Variants in RPL5 observed in about 807,000 individuals in gnomAD.
The protein encoded by RPL5 is large ribosomal subunit protein uL18.
Under a neutral mutation model 38.4 loss-of-function variants are expected in RPL5, and 1 was observed. The observed-to-expected ratio is 0.03, with a 90% CI of 0.01 to 0.12. The LOEUF is 0.12. RPL5 is among the 10% of genes least tolerant of loss of function. The pLI, the probability that RPL5 is intolerant of heterozygous loss-of-function variation, is 1.00. For synonymous variants in RPL5, 109 were observed against 121.2 expected (o/e 0.90, Z 0.66); for missense variants, 243 against 374.1 (o/e 0.65, Z 2.89).
At chr1:92,833,710 G>T (rs778112670) in intron 3 of RPL5, 50 bp downstream of exon 3, 2 of 1,446,148 alleles carry the variant, frequency 1.4e-6, no homozygotes, top group Admixed American at 1.7e-5. Context: ...GAGAAATTGT[G>T]CTTGGGAAGC....
intron 1 of RPL5, chr1:92,833,132 G>A (rs1686976457): frequency 3.0e-6 from 2 of 672,786 alleles, no homozygotes; most frequent in East Asian, 2.7e-5. Flanking sequence ...ATTGGGGCCT[G>A]CATTTTGTAT....
At chr1:92,837,306 CACTA>C (rs1387234787) in intron 5 of RPL5, 146 bp from the exon 6 acceptor site, 1 of 787,132 alleles carries the variant, frequency 1.3e-6, no homozygotes, top group Non-Finnish European at 2.3e-6. Flanking sequence ...GATGATATCC[CACTA>C]ACTGAGCAGT....
chr1:92,834,978 AT>A (rs1687060256), intron 4 of RPL5, 65 bp downstream of exon 4: 4 of 1,590,950 alleles, frequency 2.5e-6, no homozygotes, highest in Admixed American at 1.7e-5. Flanking sequence ...TTTCTGCAAG[AT>A]GTTTGTACAT....
chr1:92,840,375 T>C, intron 6 of RPL5, 176 bp from the exon 7 acceptor site: 2 of 593,340 alleles, frequency 3.4e-6, no homozygotes, highest in East Asian at 5.8e-5. Context: ...AGGTGAAAAT[T>C]GGGAATTTGT....
intron 3 of RPL5, 93 bp from the exon 4 acceptor site, chr1:92,834,686 C>T: frequency 6.6e-7 from 1 of 1,514,454 alleles, no homozygotes; most frequent in Non-Finnish European, 9.1e-7. Context: ...CATCTGTGTC[C>T]ATCAATGTTT....
chr1:92,832,040 C>G lies in RPL5; in HGVS notation c.-75C>G. ...ACTGCGCCTGCGCAAGGGCTGTGGCCCTTTTCCCACCCCCTAGCGCCGCTG... is the reference window on the plus strand; with the variant it reads ...ACTGCGCCTGCGCAAGGGCTGTGGCGCTTTTCCCACCCCCTAGCGCCGCTG... On this transcript the variant is annotated 5_prime_UTR_variant, in exon 1 of 8. Transcript: ENST00000370321. 3 of 1,605,292 alleles carry G rather than the reference C, an allele frequency of 1.9e-6. No individual in the cohort carries two copies. Among genetic ancestry groups the G allele is most frequent in the Non-Finnish European group, 2.6e-6 (3 of 1,176,144 alleles).
intron 6 of RPL5, among the ~76,000 whole-genome samples, chr1:92,838,535 T>C (rs1687213682): frequency 6.6e-6 from 1 of 152,236 alleles, no homozygotes; most frequent in Non-Finnish European, 1.5e-5. Context: ...TATATGTGCC[T>C]TCCTTCAGCT....
At chr1:92,833,321 GTTAAT>G (rs1686986754) in intron 1 of RPL5, 63 bp from the exon 2 acceptor site, 1 of 1,271,744 alleles carries the variant, frequency 7.9e-7, no homozygotes, top group African/African-American at 1.5e-5. Context: ...TTGTTACATG[GTTAAT>G]TTATGTCAAA....
At chr1:92,832,772 T>C in intron 1 of RPL5, 1 of 501,406 alleles carries the variant, frequency 2.0e-6, no homozygotes, top group Non-Finnish European at 3.5e-6. Context: ...TGGGATGAAA[T>C]GTTGCTTTAG....
At position 92,832,203 on chromosome 1, in the gene RPL5, C is replaced by G. The variant is rs1686934484; in HGVS notation, c.3+86C>G. ...ATGCCAGCCTAGGGCCCGTCTCGCG[C>G]GTCGCAGGGGCCGGATGGCGTTAGA... On this transcript the variant is annotated intron_variant, in intron 1 of 7. Transcript: ENST00000370321. 6.9e-6 allele frequency: 11 copies of G among 1,587,468 alleles called. 1 individual carries two copies. The highest frequency in any genetic ancestry group is 1.7e-4 in the Middle Eastern group (1 of 6,034).
At position 92,840,659 on chromosome 1, in the gene RPL5, GTCTTT is replaced by G; in HGVS notation, c.794+23_794+27del. 6.4e-7 allele frequency: 1 copy of G among 1,556,288 alleles called. No homozygotes were observed. Among genetic ancestry groups the G allele is most frequent in the Middle Eastern group, 1.7e-4 (1 of 5,926 alleles). On this transcript the variant is annotated intron_variant, in intron 7 of 7. Transcript: ENST00000370321. ...GAAGAGGTATGTCGTCTTTTTTTTT[GTCTTT>G]TCAAGAAAACAGGTTGGGAATGGTT...
chr1:92,836,269 T>C lies in RPL5; in HGVS notation c.404T>C (p.Ile135Thr), dbSNP rs771599532. ...VTGDEYNVES[I>T]DGQPGAFTCY... ...GGTGATGAATACAATGTGGAAAGCA[T>C]TGATGGTCAGCCAGGTGCCTTCACC... The change falls in exon 5 of 8, where the codon ATT becomes ACT. Residue 135 changes from isoleucine (I) to threonine (T), a missense_variant. Physicochemically the swap from Ile to Thr is moderately conservative, Grantham distance 89. Coordinates refer to ENST00000370321, the MANE Select transcript of RPL5 (RefSeq NM_000969.5). 3.7e-6 allele frequency: 6 copies of C among 1,613,976 alleles called. No homozygotes were observed. The highest frequency in any genetic ancestry group is 3.3e-5 in the South Asian group (3 of 91,082).
At chr1:92,836,028 C>T (rs1387109847) in intron 4 of RPL5, among the ~76,000 whole-genome samples, 162 bp from the exon 5 acceptor site, 1 of 151,842 alleles carries the variant, frequency 6.6e-6, no homozygotes, top group Non-Finnish European at 1.5e-5. Flanking sequence ...TTTTAAATAG[C>T]ATTTAAAAAT....
At chr1:92,839,370 A>C (rs1687263143) in intron 6 of RPL5, among the ~76,000 whole-genome samples, 1 of 152,094 alleles carries the variant, frequency 6.6e-6, no homozygotes, top group Admixed American at 6.5e-5. Context: ...AAAAACAAAA[A>C]ATTGCCCAAT....
chr1:92,832,876 AAACAT>A (rs1686963816), intron 1 of RPL5: 3 of 628,320 alleles, frequency 4.8e-6, no homozygotes, highest in African/African-American at 1.8e-5. Context: ...GGCTTTTGAA[AAACAT>A]AACATGGGAA....
Position 92,833,428 on chromosome 1 carries a change from A to C in RPL5, c.43A>C (p.Arg15=). ...TGTTAAGAATAAGGCCTACTTTAAG[A>C]GATACCAAGTGAAATTTAGAAGACG... ...KVVKNKAYFK[R]YQVKFRRRRE... The change falls in exon 2 of 8, where the codon AGA becomes CGA. Residue 15 remains arginine (R), a synonymous_variant. Transcript: ENST00000370321. The C allele has an allele frequency of 6.2e-7, 1 of 1,614,054 alleles. No individual in the cohort carries two copies. Among genetic ancestry groups the C allele is most frequent in the Non-Finnish European group, 8.5e-7 (1 of 1,179,926 alleles).
At chr1:92,832,592 G>T (rs755224858) in intron 1 of RPL5, 5 of 313,536 alleles carry the variant, frequency 1.6e-5, no homozygotes, top group African/African-American at 2.1e-5. Context: ...GGAAGCTTGT[G>T]CCCGTGGGCT....
chr1:92,836,111 AC>A, intron 4 of RPL5, 78 bp from the exon 5 acceptor site: 1 of 1,335,220 alleles, frequency 7.5e-7, no homozygotes, highest in South Asian at 1.2e-5. Context: ...AGTGGTCCTT[AC>A]GGTTATGACA....
chr1:92,832,473 C>T (rs1016937364), intron 1 of RPL5, among the ~76,000 whole-genome samples: 1 of 152,164 alleles, frequency 6.6e-6, no homozygotes, highest in African/African-American at 2.4e-5. Context: ...AGCTGGGGAA[C>T]GCCAGAATGG....
Sources: allele counts gnomAD v4.1 joint callset (sites outside exome capture counted in the v4.1 genomes callset), GRCh38; gene constraint gnomAD v4.1.1; transcripts MANE v1.5; gene names NCBI Gene and HGNC (gene_info 2026-07-23, HGNC 2026-07-21).